PLAAT3: variants seen among roughly 807,000 people sequenced by gnomAD.
PLAAT3 encodes the protein phospholipase A and acyltransferase 3.
PLAAT3 carries 21 observed loss-of-function variants against 16.7 expected under a neutral mutation model. That is an observed-to-expected ratio of 1.26 (90% CI 0.89 to 1.81). The LOEUF (loss-of-function observed/expected upper bound fraction) is 1.81, where lower values mean the gene tolerates loss of function less well. Among genes scored for constraint, PLAAT3 ranks in the 40% most tolerant of loss-of-function variants. The probability of loss-of-function intolerance (pLI) is 0.00; values close to 1 mark genes in which losing one functional copy is unlikely to be tolerated. For synonymous variants in PLAAT3, 76 were observed against 81.7 expected, an observed-to-expected ratio of 0.93 and a Z score of 0.38; for missense variants, 219 against 213.7, an observed-to-expected ratio of 1.02 and a Z score of -0.16.
chr11:63,599,857 A>G (rs1938380477), intron 2 of PLAAT3, among the ~76,000 whole-genome samples: 1 of 152,194 alleles, frequency 6.6e-6, no homozygotes, highest in Admixed American at 6.5e-5. Flanking sequence ...GCAGGTTGGA[A>G]AGAGATGGTG....
intron 4 of PLAAT3, among the ~76,000 whole-genome samples, chr11:63,581,283 T>C (rs1007257244): frequency 6.6e-6 from 1 of 152,198 alleles, no homozygotes. Context: ...TTTTTCTTCT[T>C]GCAGAAAGCC....
At chr11:63,597,447 A>G (rs1938318052) in intron 3 of PLAAT3, among the ~76,000 whole-genome samples, 1 of 152,066 alleles carries the variant, frequency 6.6e-6, no homozygotes, top group Non-Finnish European at 1.5e-5. Flanking sequence ...AATGGCGTAA[A>G]CCCAGGAGGC....
At chr11:63,605,653 C>T (rs1404365793) in intron 2 of PLAAT3, among the ~76,000 whole-genome samples, 1 of 151,718 alleles carries the variant, frequency 6.6e-6, no homozygotes, top group Non-Finnish European at 1.5e-5. Context: ...CCCGGGTTCA[C>T]GCCATTCTCC....
intron 4 of PLAAT3, among the ~76,000 whole-genome samples, chr11:63,587,524 G>A (rs1245389992): frequency 6.7e-6 from 1 of 150,176 alleles, no homozygotes; most frequent in Non-Finnish European, 1.5e-5. Flanking sequence ...AGGCATGCAA[G>A]ATCTTTTTTT....
At chr11:63,611,523 G>A (rs1032347707) in intron 2 of PLAAT3, among the ~76,000 whole-genome samples, 1 of 152,024 alleles carries the variant, frequency 6.6e-6, no homozygotes, top group Admixed American at 6.6e-5. Flanking sequence ...CAGAGAACAC[G>A]CAGTTATCAG....
At chr11:63,598,971 G>A (rs1323826578) in intron 2 of PLAAT3, among the ~76,000 whole-genome samples, 2 of 152,294 alleles carry the variant, frequency 1.3e-5, no homozygotes, top group Non-Finnish European at 2.9e-5. Flanking sequence ...CACCCTGTTA[G>A]GGGAGCATGG....
chr11:63,589,896 G>A (rs149578737), intron 4 of PLAAT3, among the ~76,000 whole-genome samples: 740 of 59,592 alleles, frequency 0.012, 4 homozygotes, highest in Non-Finnish European at 0.016. Flanking sequence ...ACCCACCCCC[G>A]CCCCCGACTA....
intron 4 of PLAAT3, among the ~76,000 whole-genome samples, chr11:63,586,418 G>A (rs1049825533): frequency 6.6e-6 from 1 of 152,186 alleles, no homozygotes; most frequent in African/African-American, 2.4e-5. Context: ...ACAGGCGTGA[G>A]CCACCACGCC....
intron 2 of PLAAT3, among the ~76,000 whole-genome samples, chr11:63,612,132 C>A (rs1478757235): frequency 6.6e-6 from 1 of 151,918 alleles, no homozygotes; most frequent in African/African-American, 2.4e-5. Context: ...GAGTGAAACT[C>A]CATCTCAAAA....
Position 63,614,060 on chromosome 11 carries a change from C to T in PLAAT3, c.-46G>A, listed in dbSNP as rs373260319. 11 of 1,613,430 alleles carry T rather than the reference C, an allele frequency of 6.8e-6. No individual in the cohort carries two copies. The highest frequency in any genetic ancestry group is 9.3e-6 in the Non-Finnish European group (11 of 1,179,538). ...CTCAAGGCCAGGCTCGATTTCGCTG[C>T]GTAGATGTCTGAGGCAGGGGGAGCA... On this transcript the variant is annotated 5_prime_UTR_variant, in exon 2 of 5. Transcript: ENST00000415826.
chr11:63,579,664 T>C (rs1375688445), intron 4 of PLAAT3, among the ~76,000 whole-genome samples: 2 of 134,708 alleles, frequency 1.5e-5, no homozygotes, highest in Admixed American at 8.7e-5. Context: ...TAGGTGGGAA[T>C]TGAACAATGA....
intron 2 of PLAAT3, 42 bp downstream of exon 2, chr11:63,613,958 G>C (rs371751583): frequency 2.4e-6 from 3 of 1,262,986 alleles, no homozygotes; most frequent in Non-Finnish European, 3.5e-6. Context: ...CACTAACAGG[G>C]GGCTCCCAGC....
At chr11:63,614,983 C>T (rs1938795082), upstream of PLAAT3, among the ~76,000 whole-genome samples, 1 of 142,882 alleles carries the variant, frequency 7.0e-6, no homozygotes, top group Non-Finnish European at 1.5e-5. Flanking sequence ...CCACTGCACT[C>T]TAGCCTGTGC....
intron 3 of PLAAT3, among the ~76,000 whole-genome samples, chr11:63,597,835 G>A (rs1938328492): frequency 6.6e-6 from 1 of 152,204 alleles, no homozygotes; most frequent in African/African-American, 2.4e-5. Flanking sequence ...TGGCCTGGAG[G>A]TTGGGGACCC....
At chr11:63,588,821 C>T (rs1938053532) in intron 4 of PLAAT3, among the ~76,000 whole-genome samples, 1 of 151,964 alleles carries the variant, frequency 6.6e-6, no homozygotes, top group Non-Finnish European at 1.5e-5. Context: ...ATAGGAACCG[C>T]CTAACAAACA....
chr11:63,585,394 CT>C (rs1937944723), intron 4 of PLAAT3, among the ~76,000 whole-genome samples: 2 of 152,074 alleles, frequency 1.3e-5, no homozygotes, highest in African/African-American at 4.8e-5. Context: ...TAGTTCTCAA[CT>C]GGAGACAGTT....
At chr11:63,611,748 G>T (rs1048177076) in intron 2 of PLAAT3, among the ~76,000 whole-genome samples, 1 of 152,182 alleles carries the variant, frequency 6.6e-6, no homozygotes, top group Admixed American at 6.5e-5. Context: ...CATTTCTAAA[G>T]CAATGGATTA....
Position 63,598,161 on chromosome 11 carries a change from T to C in PLAAT3, c.18A>G (p.Pro6=). The change falls in exon 3 of 5, where the codon CCA becomes CCG. Residue 6 remains proline (P), a splice_region_variant and synonymous_variant. Transcript: ENST00000415826. Reference sequence around the variant, plus strand: ...CAATCAGGTCTCCAGGCTTAGGCTCTGGCTGCAAAACCAAGAACAGGGCTG... The same window carrying C: ...CAATCAGGTCTCCAGGCTTAGGCTCCGGCTGCAAAACCAAGAACAGGGCTG... MRAPI[P]EPKPGDLIEI... is the part of the protein sequence containing the mutation. The C allele has an allele frequency of 6.2e-7, 1 of 1,612,330 alleles. No individual in the cohort carries two copies. Among genetic ancestry groups the C allele is most frequent in the Non-Finnish European group, 8.5e-7 (1 of 1,178,330 alleles).
At chr11:63,601,117 C>G (rs546953592) in intron 2 of PLAAT3, among the ~76,000 whole-genome samples, 3 of 146,336 alleles carry the variant, frequency 2.1e-5, no homozygotes, top group Non-Finnish European at 4.5e-5. Flanking sequence ...TACAGTGGCA[C>G]GATCTCGGCT....
Sources: gnomAD v4.1 joint callset for allele counts (sites outside exome capture counted in the v4.1 genomes callset) on GRCh38, gnomAD v4.1.1 for gene constraint, MANE v1.5 for transcripts, NCBI Gene and HGNC (gene_info 2026-07-23, HGNC 2026-07-21) for gene names.